Variants in NTRK2 observed in about 807,000 individuals in gnomAD.
NTRK2 encodes neurotrophic receptor tyrosine kinase 2, also known as BDNF/NT-3 growth factors receptor.
A neutral mutation model predicts 94.5 loss-of-function variants in NTRK2; 13 were observed. The observed-to-expected ratio is 0.14, with a 90% CI of 0.09 to 0.22. NTRK2 has a LOEUF of 0.22. Ranked by LOEUF, NTRK2 falls within the 10% of genes least tolerant of loss-of-function variation. The pLI is 1.00. For synonymous variants in NTRK2, 372 were observed against 407.4 expected, an observed-to-expected ratio of 0.91 and a Z score of 1.05; for missense variants, 639 against 1,071.2, an observed-to-expected ratio of 0.60 and a Z score of 5.63.
chr9:84,896,961 TTGTC>T (rs1035914244), intron 14 of NTRK2, among the ~76,000 whole-genome samples: 31 of 152,132 alleles, frequency 2.0e-4, no homozygotes, highest in African/African-American at 7.2e-4. Flanking sequence ...CTAGAATTGT[TTGTC>T]TGACCTCTCC....
intron 2 of NTRK2, among the ~76,000 whole-genome samples, chr9:84,699,254 T>A (rs2060575211): frequency 6.6e-6 from 1 of 152,108 alleles, no homozygotes; most frequent in Admixed American, 6.6e-5. Flanking sequence ...GCCAGGATGG[T>A]CTCAATCTCC....
chr9:84,861,747 G>T (rs1051545890), intron 13 of NTRK2, among the ~76,000 whole-genome samples: 1 of 152,140 alleles, frequency 6.6e-6, no homozygotes, highest in Non-Finnish European at 1.5e-5. Context: ...CAATGAACAG[G>T]AATTGCTTAG....
intron 14 of NTRK2, among the ~76,000 whole-genome samples, chr9:84,914,875 GTCT>G (rs1377648332): frequency 3.3e-5 from 5 of 152,120 alleles, no homozygotes; most frequent in Non-Finnish European, 7.4e-5. Context: ...TCACCTTTCA[GTCT>G]TCTTATGTTT....
chr9:84,908,841 A>G (rs1564454809), intron 14 of NTRK2, among the ~76,000 whole-genome samples: 1 of 152,176 alleles, frequency 6.6e-6, no homozygotes, highest in Non-Finnish European at 1.5e-5. Flanking sequence ...CACAAGGCAC[A>G]CCTCTTACAA....
intron 17 of NTRK2, among the ~76,000 whole-genome samples, chr9:85,000,775 C>T (rs947995918): frequency 3.3e-5 from 5 of 152,108 alleles, no homozygotes; most frequent in African/African-American, 1.2e-4. Flanking sequence ...TGGGTAAATA[C>T]CATGGAGCAT....
At chr9:84,909,909 T>C (rs543204227) in intron 14 of NTRK2, among the ~76,000 whole-genome samples, 73 of 152,296 alleles carry the variant, frequency 4.8e-4, no homozygotes, top group African/African-American at 1.7e-3. Context: ...AGGATAAAAA[T>C]GTAAAGCAAA....
intron 12 of NTRK2, among the ~76,000 whole-genome samples, chr9:84,795,239 A>C (rs2069169283): frequency 6.6e-6 from 1 of 152,168 alleles, no homozygotes. Flanking sequence ...TCCTGCTGCC[A>C]GGTCTTTGCT....
In NTRK2 at chr9:84,865,539, C is replaced by A. The variant is rs138756191; in HGVS notation, c.1445-1704C>A. ...GATTCAAGACTGGATGACAAAACAACTTTTGTTTTCAGAATTGCTGTGCTT... is the reference window on the plus strand; with the variant it reads ...GATTCAAGACTGGATGACAAAACAAATTTTGTTTTCAGAATTGCTGTGCTT... On this transcript the variant is annotated intron_variant, in intron 13 of 18. Coordinates refer to ENST00000277120, the MANE Select transcript of NTRK2 (RefSeq NM_006180.6). Among the ~76,000 whole-genome samples, 517 of 152,242 alleles carry A rather than the reference C, an allele frequency of 3.4e-3. 5 individuals are homozygous for A. Among genetic ancestry groups the A allele is most frequent in the African/African-American group, 0.012 (493 of 41,542 alleles).
At chr9:84,725,891 A>G (rs1021926690) in intron 8 of NTRK2, among the ~76,000 whole-genome samples, 3 of 152,150 alleles carry the variant, frequency 2.0e-5, no homozygotes, top group Non-Finnish European at 4.4e-5. Context: ...ACATGTGCAG[A>G]GTTCAGCTGC....
At chr9:84,875,721 A>G (rs1307610776) in intron 14 of NTRK2, 2 of 1,053,376 alleles carry the variant, frequency 1.9e-6, no homozygotes, top group African/African-American at 3.3e-5. Context: ...CTTAAACTTG[A>G]TGGAGTTTGC....
At chr9:84,939,067 A>AAAAAAAAAAAAAAAAAAG in intron 15 of NTRK2, among the ~76,000 whole-genome samples, 1 of 144,664 alleles carries the variant, frequency 6.9e-6, no homozygotes, top group East Asian at 2.1e-4. Flanking sequence ...AAAAAAAAAA[A>AAAAAAAAAAAAAAAAAAG]AAAAGAAAAG....
chr9:84,819,446 A>G (rs1050196547), intron 12 of NTRK2, among the ~76,000 whole-genome samples: 6 of 152,122 alleles, frequency 3.9e-5, no homozygotes, highest in African/African-American at 1.4e-4. Context: ...CAGGCTTTTC[A>G]AAGACTGCTC....
intron 12 of NTRK2, among the ~76,000 whole-genome samples, chr9:84,830,490 T>A (rs536156297): frequency 2.0e-5 from 3 of 151,940 alleles, no homozygotes; most frequent in African/African-American, 7.2e-5. Flanking sequence ...AGCCTAAGGG[T>A]GTGTGTGTAT....
chr9:85,014,792 G>C (rs1832039483), intron 17 of NTRK2, among the ~76,000 whole-genome samples: 1 of 152,228 alleles, frequency 6.6e-6, no homozygotes, highest in African/African-American at 2.4e-5. Flanking sequence ...TAGATTTAAA[G>C]AATGTTCAGG....
At chr9:84,808,384 C>G (rs2071371384) in intron 12 of NTRK2, among the ~76,000 whole-genome samples, 1 of 152,166 alleles carries the variant, frequency 6.6e-6, no homozygotes, top group South Asian at 2.1e-4. Context: ...GCCTTTATAC[C>G]AGCAGGTTAA....
intron 17 of NTRK2, among the ~76,000 whole-genome samples, chr9:85,008,852 A>G (rs1831259636): frequency 6.6e-6 from 1 of 152,216 alleles, no homozygotes; most frequent in Non-Finnish European, 1.5e-5. Flanking sequence ...CTCTAACGCT[A>G]TCGCCTGAAT....
chr9:84,872,927 C>G, intron 14 of NTRK2: 1 of 1,065,174 alleles, frequency 9.4e-7, no homozygotes, highest in Non-Finnish European at 1.1e-6. Context: ...CTTGTCTTAC[C>G]AATAAGGGGA....
At chr9:84,898,435 G>A (rs1434037208) in intron 14 of NTRK2, among the ~76,000 whole-genome samples, 2 of 152,116 alleles carry the variant, frequency 1.3e-5, no homozygotes, top group African/African-American at 4.8e-5. Flanking sequence ...ATTACACAGT[G>A]GCTTAAAACA....
intron 17 of NTRK2, among the ~76,000 whole-genome samples, chr9:84,978,544 A>G (rs1049389014): frequency 1.3e-5 from 2 of 152,236 alleles, no homozygotes; most frequent in African/African-American, 4.8e-5. Context: ...CATCTCCATA[A>G]TATAAAAGTG....
Sources: gnomAD v4.1 joint callset for allele counts (sites outside exome capture counted in the v4.1 genomes callset) on GRCh38, gnomAD v4.1.1 for gene constraint, MANE v1.5 for transcripts, NCBI Gene and HGNC (gene_info 2026-07-23, HGNC 2026-07-21) for gene names.